Variants in ARHGAP24 observed in about 807,000 individuals in gnomAD.
ARHGAP24 encodes the protein rho GTPase-activating protein 24.
In ARHGAP24, 50 loss-of-function variants were observed where a neutral mutation model predicts 76.4. The observed-to-expected ratio is 0.65, with a 90% CI of 0.52 to 0.83. The LOEUF (loss-of-function observed/expected upper bound fraction) is 0.83, where lower values mean the gene tolerates loss of function less well. Among genes scored for constraint, ARHGAP24 ranks in the 40% least tolerant of loss-of-function variants. The pLI is 0.00. For missense variants in ARHGAP24, 930 were observed against 914.2 expected (o/e 1.02, Z -0.22); for synonymous variants, 345 against 323.3 (o/e 1.07, Z -0.72).
intron 1 of ARHGAP24, among the ~76,000 whole-genome samples, chr4:85,569,692 G>C (rs1007159083): frequency 1.3e-5 from 2 of 152,142 alleles, no homozygotes; most frequent in Non-Finnish European, 2.9e-5. Context: ...AGGTGTTTTT[G>C]TTTGTTTGTT....
chr4:85,623,853 A>T (rs1240314029), intron 2 of ARHGAP24, among the ~76,000 whole-genome samples: 1 of 143,712 alleles, frequency 7.0e-6, no homozygotes, highest in Non-Finnish European at 1.5e-5. Context: ...CTTTGAAGCA[A>T]TTGTGAATGG....
At chr4:85,704,662 CTTAGTAATAAG>C (rs2110029336) in intron 2 of ARHGAP24, among the ~76,000 whole-genome samples, 1 of 152,202 alleles carries the variant, frequency 6.6e-6, no homozygotes, top group African/African-American at 2.4e-5. Context: ...TTTTTAACAA[CTTAGTAATAAG>C]TGGCATCATA....
intron 8 of ARHGAP24, chr4:85,990,274 A>G (rs963781070): frequency 6.6e-6 from 1 of 151,726 alleles, no homozygotes; most frequent in African/African-American, 2.4e-5. Context: ...AAACACTAAC[A>G]AACAAATAAG....
chr4:85,949,438 T>C (rs1737473263), intron 5 of ARHGAP24, among the ~76,000 whole-genome samples: 1 of 152,192 alleles, frequency 6.6e-6, no homozygotes, highest in Non-Finnish European at 1.5e-5. Flanking sequence ...ATGCTACAAT[T>C]TAGTGAAGCT....
rs373602112 is a variant in ARHGAP24 at position 85,851,376 on chromosome 4, C to T, written c.269-72272C>T. 7.2e-4 allele frequency among the ~76,000 whole-genome samples: 109 copies of T among 152,246 alleles called. 1 individual carries two copies. In the East Asian group the frequency reaches 0.013, roughly 19 times the overall value. ...TGAGATGGGTCTCCTGAATACAGCA[C>T]GTTGATGGGTCTCGAATCTTTGTCC... On this transcript the variant is annotated intron_variant, in intron 3 of 9. Coordinates refer to ENST00000395184, the MANE Select transcript of ARHGAP24 (RefSeq NM_001025616.3).
At chr4:85,749,471 C>G (rs1195667220) in intron 3 of ARHGAP24, among the ~76,000 whole-genome samples, 2 of 152,206 alleles carry the variant, frequency 1.3e-5, no homozygotes, top group East Asian at 1.9e-4. Context: ...CAGGACTGCT[C>G]TATTCTCAGA....
chr4:85,491,521 C>T (rs1458714340), intron 1 of ARHGAP24, among the ~76,000 whole-genome samples: 1 of 152,078 alleles, frequency 6.6e-6, no homozygotes, highest in East Asian at 1.9e-4. Context: ...CAGAAATCAC[C>T]TTGGGTCTGT....
chr4:85,941,472 T>C (rs1736942256), intron 4 of ARHGAP24, among the ~76,000 whole-genome samples: 2 of 152,192 alleles, frequency 1.3e-5, no homozygotes, highest in Admixed American at 1.3e-4. Flanking sequence ...TAAATTTCCA[T>C]TTTTCACTTT....
At chr4:85,817,022 T>C (rs896956812) in intron 3 of ARHGAP24, among the ~76,000 whole-genome samples, 5 of 152,324 alleles carry the variant, frequency 3.3e-5, no homozygotes, top group East Asian at 1.9e-4. Flanking sequence ...TTATTAGTGA[T>C]GTTGAATATC....
intron 1 of ARHGAP24, among the ~76,000 whole-genome samples, chr4:85,502,058 C>T (rs1196276498): frequency 6.6e-6 from 1 of 152,182 alleles, no homozygotes; most frequent in African/African-American, 2.4e-5. Context: ...TTTATGAGGC[C>T]TCTGTTCTGT....
chr4:85,887,329 C>T (rs1291445897), intron 3 of ARHGAP24, among the ~76,000 whole-genome samples: 4 of 152,192 alleles, frequency 2.6e-5, no homozygotes, highest in Middle Eastern at 3.4e-3. Flanking sequence ...AGTTTCTTCT[C>T]ATCCAAGGTT....
rs531405563 is a variant in ARHGAP24 at position 85,925,468 on chromosome 4, G to C, written c.391+1698G>C. ...AGAAGTCATAAAATGTTTCACTTACGTGAAAAGGTAAAAAATTCCTGATTT... is the reference window on the plus strand; with the variant it reads ...AGAAGTCATAAAATGTTTCACTTACCTGAAAAGGTAAAAAATTCCTGATTT... On this transcript the variant is annotated intron_variant, in intron 4 of 9. Coordinates refer to ENST00000395184, the MANE Select transcript of ARHGAP24 (RefSeq NM_001025616.3). Among the ~76,000 whole-genome samples the C allele has an allele frequency of 3.3e-5, 5 of 152,168 alleles. No individual in the cohort carries two copies. The South Asian group carries it at 1.0e-3, about 32-fold the overall frequency.
At chr4:85,728,192 G>A (rs868850690) in intron 3 of ARHGAP24, among the ~76,000 whole-genome samples, 1 of 146,894 alleles carries the variant, frequency 6.8e-6, no homozygotes, top group Non-Finnish European at 1.5e-5. Flanking sequence ...TAGAGGACAT[G>A]GGTGCCTAAA....
rs564107494 is a variant in ARHGAP24 at position 85,648,715 on chromosome 4, G to A, written c.181-73170G>A. 1.1e-4 allele frequency among the ~76,000 whole-genome samples: 17 copies of A among 151,982 alleles called. No individual in the cohort carries two copies. The Middle Eastern group carries it at 0.01, about 91-fold the overall frequency. On this transcript the variant is annotated intron_variant, in intron 2 of 9. Transcript: ENST00000395184. ...CAGGAGATAGCTTGTGATTTATGTC[G>A]AATAAAATAAAAAATGTCTCCGTTT...
intron 3 of ARHGAP24, among the ~76,000 whole-genome samples, chr4:85,882,639 A>G (rs1733325702): frequency 6.6e-6 from 1 of 152,172 alleles, no homozygotes; most frequent in Admixed American, 6.6e-5. Flanking sequence ...TAGAGAATCC[A>G]TCAAGGTCCA....
chr4:85,485,023 G>A (rs559163771), intron 1 of ARHGAP24, among the ~76,000 whole-genome samples: 1 of 151,982 alleles, frequency 6.6e-6, no homozygotes, highest in South Asian at 2.1e-4. Flanking sequence ...ACTTGAAGGT[G>A]TTCTTTTTTG....
chr4:85,511,103 C>G (rs1724264521), intron 1 of ARHGAP24, among the ~76,000 whole-genome samples: 1 of 151,898 alleles, frequency 6.6e-6, no homozygotes, highest in Non-Finnish European at 1.5e-5. Context: ...ATTGGTTATT[C>G]CAGTAATTCA....
chr4:85,859,228 C>G (rs997768834), intron 3 of ARHGAP24, among the ~76,000 whole-genome samples: 2 of 151,538 alleles, frequency 1.3e-5, no homozygotes, highest in Non-Finnish European at 2.9e-5. Flanking sequence ...CACACACACA[C>G]ACACACACAC....
At chr4:85,605,795 G>A (rs1357525087) in intron 2 of ARHGAP24, among the ~76,000 whole-genome samples, 1 of 152,032 alleles carries the variant, frequency 6.6e-6, no homozygotes, top group African/African-American at 2.4e-5. Flanking sequence ...GTGTTTTTCT[G>A]TGCATTTCTC....
Sources: allele counts gnomAD v4.1 joint callset (sites outside exome capture counted in the v4.1 genomes callset), GRCh38; gene constraint gnomAD v4.1.1; transcripts MANE v1.5; gene names NCBI Gene and HGNC (gene_info 2026-07-23, HGNC 2026-07-21).